Variants in KLK8 observed in about 807,000 individuals in gnomAD.
KLK8 encodes the protein kallikrein-8.
KLK8 carries 18 observed loss-of-function variants against 26.7 expected under a neutral mutation model. The ratio of observed to expected loss-of-function variants is 0.67; its 90% CI spans 0.47 to 1.00. The LOEUF (loss-of-function observed/expected upper bound fraction) is 1.00. KLK8 is among the 50% of genes least tolerant of loss of function. The pLI, the probability that KLK8 is intolerant of heterozygous loss-of-function variation, is 0.00. For synonymous variants in KLK8, 137 were observed against 127.1 expected (o/e 1.08, Z -0.52); for missense variants, 301 against 331.7 (o/e 0.91, Z 0.72).
chr19:50,996,318 G>A, intron 6 of KLK8, 104 bp from the exon 6 acceptor site: 1 of 1,237,178 alleles, frequency 8.1e-7, no homozygotes, highest in Non-Finnish European at 1.1e-6. Flanking sequence ...TTGGTCCCCT[G>A]TAGCCAATGG....
intron 5 of KLK8, 171 bp from the exon 5 acceptor site, chr19:50,998,055 A>G: frequency 1.4e-6 from 1 of 726,690 alleles, no homozygotes; most frequent in Admixed American, 2.8e-5. Flanking sequence ...CATTAAACGA[A>G]GCTGTACTTG....
At chr19:50,997,863 T>C (rs745584352) in exon 6 of KLK8, 3 of 1,614,166 alleles carry the variant, frequency 1.9e-6, no homozygotes, top group South Asian at 2.2e-5. Context: ...TTCTGCACAG[T>C]TGAGAGTGTC....
chr19:50,999,870 A>G, intron 5 of KLK8, 126 bp downstream of exon 4: 1 of 1,014,404 alleles, frequency 9.9e-7, no homozygotes, highest in Non-Finnish European at 1.4e-6. Flanking sequence ...CTGCTTGTGA[A>G]TCTCAACATC....
intron 2 of KLK8, 124 bp from the exon 2 acceptor site, chr19:51,001,299 G>A: frequency 1.3e-6 from 1 of 755,478 alleles, no homozygotes; most frequent in Non-Finnish European, 2.2e-6. Context: ...TCTGGAGGAA[G>A]GAGGAGGCTG....
At chr19:51,001,042 G>A (rs1032746818) in intron 3 of KLK8, 56 bp downstream of exon 2, 2 of 1,499,516 alleles carry the variant, frequency 1.3e-6, no homozygotes, top group Non-Finnish European at 1.8e-6. Flanking sequence ...AGACTCCCCA[G>A]CGCCACTGCT....
At chr19:50,997,618 A>C in intron 6 of KLK8, 133 bp downstream of exon 5, 29 of 1,029,328 alleles carry the variant, frequency 2.8e-5, no homozygotes, top group Non-Finnish European at 4.0e-5. Context: ...CCCAATCCGT[A>C]GAGATAGGGG....
chr19:51,000,274 T>G lies in KLK8; in HGVS notation c.231-16A>C. ...TGTGTATTTCCTGTAATGGTGGGGA[T>G]AGTTTGGGACCCAGGCAGGGGTATT... On this transcript the variant is annotated splice_polypyrimidine_tract_variant and intron_variant, in intron 4 of 6. Coordinates refer to ENST00000600767, the Ensembl canonical transcript of KLK8. The G allele has an allele frequency of 1.3e-6, 2 of 1,562,802 alleles. No homozygotes were observed. The highest frequency in any genetic ancestry group is 1.7e-6 in the Non-Finnish European group (2 of 1,148,896).
At chr19:51,000,669 C>T (rs747661378) in intron 3 of KLK8, 86 bp from the exon 3 acceptor site, 18 of 1,580,018 alleles carry the variant, frequency 1.1e-5, no homozygotes, top group Middle Eastern at 1.7e-4. Context: ...AATGGACACA[C>T]GGCAAGTTCT....
chr19:50,996,164 T>C (rs753094994), exon 7 of KLK8: 2 of 1,614,212 alleles, frequency 1.2e-6, no homozygotes, highest in Non-Finnish European at 8.5e-7. Context: ...AGCCCCAGGA[T>C]GTGATGCCCT....
exon 3 of KLK8, chr19:51,001,148 C>T (rs112710919): frequency 1.2e-6 from 2 of 1,613,334 alleles, no homozygotes; most frequent in Admixed American, 3.3e-5. Flanking sequence ...CTTGGCCGCA[C>T]GAGGTCGGGG....
chr19:50,996,124 C>T (rs1402731016), exon 7 of KLK8: 4 of 1,614,198 alleles, frequency 2.5e-6, no homozygotes, highest in South Asian at 1.1e-5. Flanking sequence ...GTATAGACGC[C>T]AGGTTTGTCG....
Position 51,000,109 on chromosome 19 carries a change from C to G in KLK8, c.380G>C (p.Arg127Pro), listed in dbSNP as rs779313970. 4 of 1,614,086 alleles carry G rather than the reference C, an allele frequency of 2.5e-6. No homozygotes were observed. Among genetic ancestry groups the G allele is most frequent in the Non-Finnish European group, 3.4e-6 (4 of 1,179,970 alleles). The change falls in exon 5 of 7, where the codon CGT (arginine) becomes CCT (proline). Residue 127 changes from arginine to proline, a missense_variant. By Grantham distance (103) the Arg-to-Pro change is moderately radical (BLOSUM62 -2). Coordinates refer to ENST00000600767, the Ensembl canonical transcript of KLK8. ...TTTGGACCCCAGGGATGCCTGGTCA[C>G]GCAGTTGAAGAAGCATCAGATCATG...
Position 50,997,896 on chromosome 19 carries a change from G to T in KLK8, c.494-12C>A. The T allele has an allele frequency of 6.2e-7, 1 of 1,613,862 alleles. No homozygotes were observed. ...GTCAGGAAAATTCTCTGAGGGGGAA[G>T]AGGTTGTAAGGTTCCCTGAGAGAGC... On this transcript the variant is annotated splice_polypyrimidine_tract_variant and intron_variant, in intron 5 of 6. Coordinates refer to ENST00000600767, the Ensembl canonical transcript of KLK8.
chr19:50,997,893 G>A lies in KLK8; in HGVS notation c.494-9C>T. On this transcript the variant is annotated splice_polypyrimidine_tract_variant and intron_variant, in intron 5 of 6. Coordinates refer to ENST00000600767, the Ensembl canonical transcript of KLK8. ...AGTGTCAGGAAAATTCTCTGAGGGGGAAGAGGTTGTAAGGTTCCCTGAGAG... is the reference window on the plus strand; with the variant it reads ...AGTGTCAGGAAAATTCTCTGAGGGGAAAGAGGTTGTAAGGTTCCCTGAGAG... 1 of 1,613,934 alleles carries A rather than the reference G, an allele frequency of 6.2e-7. No homozygotes were observed. Among genetic ancestry groups the A allele is most frequent in the Middle Eastern group, 1.6e-4 (1 of 6,062 alleles).
chr19:51,000,793 G>A, intron 3 of KLK8: 4 of 1,418,378 alleles, frequency 2.8e-6, no homozygotes, highest in Non-Finnish European at 3.8e-6. Flanking sequence ...GCCCCCACAT[G>A]CTTCCACATG....
Position 51,000,122 on chromosome 19 carries a change from G to A in KLK8, c.367C>T (p.Leu123Phe), listed in dbSNP as rs566546307. ...GATGCCTGGTCACGCAGTTGAAGAA[G>A]CATCAGATCATGGTTGTGGTCCTCC... Residue 123 changes from leucine to phenylalanine, a missense_variant, in exon 5 of 7, where the codon CTT (leucine) becomes TTT (phenylalanine). Coordinates refer to ENST00000600767, the Ensembl canonical transcript of KLK8. The A allele has an allele frequency of 6.2e-5, 100 of 1,614,116 alleles. 2 individuals are homozygous for A. The South Asian group carries it at 1.1e-3, about 17-fold the overall frequency.
chr19:51,000,580 T>C (rs1399157882), exon 4 of KLK8: 2 of 1,613,408 alleles, frequency 1.2e-6, no homozygotes, highest in Middle Eastern at 1.7e-4. Flanking sequence ...TGCCCTGGAG[T>C]GTCCTGCAGC....
At chr19:50,996,938 A>C (rs867054031) in intron 6 of KLK8, among the ~76,000 whole-genome samples, 10 of 135,094 alleles carry the variant, frequency 7.4e-5, no homozygotes, top group Admixed American at 2.2e-4. Flanking sequence ...ACACACACAC[A>C]CCATATCCCC....
At position 50,999,980 on chromosome 19, in the gene KLK8, T is replaced by C; in HGVS notation, c.493+16A>G. 12 of 1,575,030 alleles carry C rather than the reference T, an allele frequency of 7.6e-6. No homozygotes were observed. Among genetic ancestry groups the C allele is most frequent in the Non-Finnish European group, 1.0e-5 (12 of 1,151,848 alleles). On this transcript the variant is annotated intron_variant, in intron 5 of 6. Coordinates refer to ENST00000600767, the Ensembl canonical transcript of KLK8. ...CAGCTCCTCCTCTCCCTCCCATTAG[T>C]GGACAAGCCCACTACCTCGGGGACT...
Sources: gnomAD v4.1 joint callset for allele counts (sites outside exome capture counted in the v4.1 genomes callset) on GRCh38, gnomAD v4.1.1 for gene constraint, MANE v1.5 for transcripts, NCBI Gene and HGNC (gene_info 2026-07-23, HGNC 2026-07-21) for gene names.